The following TENT4B variants were observed in gnomAD, a reference collection of about 807,000 sequenced individuals.
TENT4B encodes the protein terminal nucleotidyltransferase 4B, also known as PAP associated domain containing 5.
A neutral mutation model predicts 75.0 loss-of-function variants in TENT4B; 10 were observed. The ratio of observed to expected loss-of-function variants is 0.13; its 90% CI spans 0.08 to 0.23. The LOEUF (loss-of-function observed/expected upper bound fraction) is 0.23, where lower values mean the gene tolerates loss of function less well. Ranked by LOEUF, TENT4B falls within the 10% of genes least tolerant of loss-of-function variation. TENT4B has a pLI of 1.00. For synonymous variants in TENT4B, 350 were observed against 357.7 expected (o/e 0.98, Z 0.24); for missense variants, 579 against 893.8 (o/e 0.65, Z 4.49).
intron 1 of TENT4B, among the ~76,000 whole-genome samples, chr16:50,167,053 A>C (rs2038114948): frequency 1.3e-5 from 2 of 152,132 alleles, no homozygotes; most frequent in African/African-American, 4.8e-5. Context: ...CTTCCTGAGT[A>C]GCTAGGACTG....
In TENT4B at chr16:50,231,491, C is replaced by T; in HGVS notation, c.*2163C>T. 1 of 985,718 alleles carries T rather than the reference C, an allele frequency of 1.0e-6. No homozygotes were observed. The highest frequency in any genetic ancestry group is 4.7e-5 in the South Asian group (1 of 21,278). The allele number at this position is 985,718 out of a possible 1,614,324, so 61.1% of individuals were successfully genotyped here. A position where few individuals can be genotyped will look rare whatever the true frequency, so the allele number is the denominator to read the frequency against. On this transcript the variant is annotated 3_prime_UTR_variant, in exon 12 of 12. Transcript: ENST00000561678. ...TTTTGTTTGTTTTTAAAGAATCACC[C>T]TCATTGTTGAAAGTAAATGTACTCT...
chr16:50,199,208 T>C (rs2150719997), intron 1 of TENT4B, among the ~76,000 whole-genome samples: 1 of 152,298 alleles, frequency 6.6e-6, no homozygotes, highest in Admixed American at 6.5e-5. Flanking sequence ...CCACGTGGGG[T>C]GCTGGGGCCA....
chr16:50,198,080 C>T (rs2030392249), intron 1 of TENT4B, among the ~76,000 whole-genome samples: 1 of 137,728 alleles, frequency 7.3e-6, no homozygotes, highest in Non-Finnish European at 1.6e-5. Context: ...AATAAACACA[C>T]AAAAGTCAGT....
At position 50,166,873 on chromosome 16, in the gene TENT4B, G is replaced by A. The variant is rs144130170; in HGVS notation, c.638+12614G>A. Among the ~76,000 whole-genome samples, 1,417 of 146,596 alleles carry A rather than the reference G, an allele frequency of 9.7e-3. 16 individuals are homozygous for A. The highest frequency in any genetic ancestry group is 0.023 in the African/African-American group (913 of 39,694). Reference sequence around the variant, plus strand: ...TCAAACTCCTGAGCTGAAGCAATCCGCCCATCTCAGCTTCCCAAAGTGCTG... The same window carrying A: ...TCAAACTCCTGAGCTGAAGCAATCCACCCATCTCAGCTTCCCAAAGTGCTG... On this transcript the variant is annotated intron_variant, in intron 1 of 11. Coordinates refer to ENST00000561678, the MANE Select transcript of TENT4B (RefSeq NM_001365324.3).
chr16:50,198,849 A>T (rs1567499462), intron 1 of TENT4B, among the ~76,000 whole-genome samples: 1 of 152,248 alleles, frequency 6.6e-6, no homozygotes, highest in Non-Finnish European at 1.5e-5. Context: ...ATAGATCTGA[A>T]AGAACACTTA....
chr16:50,183,442 G>GT (rs2150699191), intron 1 of TENT4B, among the ~76,000 whole-genome samples: 1 of 151,414 alleles, frequency 6.6e-6, no homozygotes, highest in African/African-American at 2.4e-5. Flanking sequence ...GACTGTGTTG[G>GT]TTGTGTTGTC....
chr16:50,197,990 G>A lies in TENT4B; in HGVS notation c.639-13333G>A, dbSNP rs139939948. Among the ~76,000 whole-genome samples the A allele has an allele frequency of 6.6e-5, 10 of 152,188 alleles. No homozygotes were observed. In the East Asian group the frequency reaches 1.9e-3, roughly 29 times the overall value. ...AAATCCGTAACAAGACAGGATGCCTGCCCTCACCATGTTATTTGATCTTAT... is the reference window on the plus strand; with the variant it reads ...AAATCCGTAACAAGACAGGATGCCTACCCTCACCATGTTATTTGATCTTAT... On this transcript the variant is annotated intron_variant, in intron 1 of 11. Transcript: ENST00000561678.
At position 50,186,395 on chromosome 16, in the gene TENT4B, T is replaced by C. The variant is rs112175764; in HGVS notation, c.639-24928T>C. Among the ~76,000 whole-genome samples the C allele has an allele frequency of 5.1e-3, 781 of 152,318 alleles. 6 individuals are homozygous for C. The highest frequency in any genetic ancestry group is 0.017 in the African/African-American group (723 of 41,552). On this transcript the variant is annotated intron_variant, in intron 1 of 11. Coordinates refer to ENST00000561678, the MANE Select transcript of TENT4B (RefSeq NM_001365324.3). Reference sequence around the variant, plus strand: ...TCTAGCAGGCTGATTCCAAGGTTTGTCCATGTGGTAGCTTGTATCACTTTA... The same window carrying C: ...TCTAGCAGGCTGATTCCAAGGTTTGCCCATGTGGTAGCTTGTATCACTTTA...
At chr16:50,190,421 A>T (rs1210728017) in intron 1 of TENT4B, among the ~76,000 whole-genome samples, 1 of 152,024 alleles carries the variant, frequency 6.6e-6, no homozygotes, top group Non-Finnish European at 1.5e-5. Context: ...CTAGTTTCAG[A>T]ACGTTTTTGC....
At position 50,231,971 on chromosome 16, in the gene TENT4B, A is replaced by G; in HGVS notation, c.*2643A>G. On this transcript the variant is annotated 3_prime_UTR_variant, in exon 12 of 12. Transcript: ENST00000561678. ...TATTAGAGTCCATTCATATCCATGAATCATAACCTTCCTTTGCTAATACTT... is the reference window on the plus strand; with the variant it reads ...TATTAGAGTCCATTCATATCCATGAGTCATAACCTTCCTTTGCTAATACTT... The G allele has an allele frequency of 1.0e-6, 1 of 984,074 alleles. No individual in the cohort carries two copies. The highest frequency in any genetic ancestry group is 1.2e-6 in the Non-Finnish European group (1 of 828,700). 61.0% of individuals were successfully genotyped at this position (984,074 alleles called of 1,614,324 possible).
In TENT4B at chr16:50,224,892, A is replaced by G; in HGVS notation, c.1510A>G (p.Ile504Val). Residue 504 changes from isoleucine (I) to valine (V), a missense_variant and splice_region_variant, in exon 9 of 12, where the codon ATA (isoleucine) becomes GTA (valine). This residue lies in a region of TENT4B where 71 missense variants were observed against 210.6 expected (regional missense o/e 0.34). Transcript: ENST00000561678. Reference protein sequence around the residue: ...KYYPNNETESILGRIIRVTDE... With the variant: ...KYYPNNETESVLGRIIRVTDE... ...CCCTTTCTTTTTAAACACATGCAGC[A>G]TACTAGGTAGAATAATTAGAGTAAC... is the stretch of plus-strand genomic sequence containing the variant. 1 of 1,613,396 alleles carries G rather than the reference A, an allele frequency of 6.2e-7. No homozygotes were observed. The highest frequency in any genetic ancestry group is 8.5e-7 in the Non-Finnish European group (1 of 1,179,404).
chr16:50,215,618 A>G (rs17287004), intron 3 of TENT4B, among the ~76,000 whole-genome samples: 6,061 of 152,214 alleles, frequency 0.04, 150 homozygotes, highest in African/African-American at 0.057. Context: ...CCTTTCAGAG[A>G]TATCTGTGCA....
At chr16:50,208,365 C>G (rs2031099518) in intron 1 of TENT4B, among the ~76,000 whole-genome samples, 1 of 152,200 alleles carries the variant, frequency 6.6e-6, no homozygotes, top group Non-Finnish European at 1.5e-5. Flanking sequence ...AATTGCAGCA[C>G]TGAAAGTGAA....
intron 1 of TENT4B, among the ~76,000 whole-genome samples, chr16:50,170,087 T>C (rs2038176766): frequency 6.6e-6 from 1 of 152,112 alleles, no homozygotes; most frequent in Admixed American, 6.6e-5. Flanking sequence ...AGTCTCACAC[T>C]GTCTCCCAGG....
At position 50,225,221 on chromosome 16, in the gene TENT4B, C is replaced by T; in HGVS notation, c.1736C>T (p.Ser579Phe). Residue 579 changes from serine to phenylalanine, a missense_variant, in exon 10 of 12, where the codon TCT (serine) becomes TTT (phenylalanine). Physicochemically the swap from Ser to Phe is radical, Grantham distance 155. Transcript: ENST00000561678. ...SKTSESLSKH[S>F]SNSSSGPVSS... is the part of the protein sequence containing the mutation. ...ACCTCGGAATCTCTTAGTAAACACT[C>T]TTCAAACTCTTCATCAGGTCCAGTG... 1 of 1,614,022 alleles carries T rather than the reference C, an allele frequency of 6.2e-7. No homozygotes were observed. The highest frequency in any genetic ancestry group is 8.5e-7 in the Non-Finnish European group (1 of 1,179,888).
At chr16:50,173,076 T>G in intron 1 of TENT4B, among the ~76,000 whole-genome samples, 1 of 152,020 alleles carries the variant, frequency 6.6e-6, no homozygotes, top group Non-Finnish European at 1.5e-5. Flanking sequence ...CCAAGTAGCT[T>G]GGACTACAGG....
intron 5 of TENT4B, among the ~76,000 whole-genome samples, 152 bp from the exon 6 acceptor site, chr16:50,222,153 CT>C (rs919014878): frequency 6.6e-5 from 10 of 151,936 alleles, no homozygotes; most frequent in African/African-American, 2.4e-4. Flanking sequence ...CTATAGTTTA[CT>C]TTTTTTTAAT....
intron 1 of TENT4B, among the ~76,000 whole-genome samples, chr16:50,191,448 T>A (rs895733201): frequency 3.9e-5 from 6 of 152,176 alleles, no homozygotes; most frequent in African/African-American, 1.4e-4. Context: ...TATTTTTAAT[T>A]TTTTTTGTAG....
At chr16:50,187,500 T>G (rs983132463) in intron 1 of TENT4B, among the ~76,000 whole-genome samples, 3 of 152,154 alleles carry the variant, frequency 2.0e-5, no homozygotes, top group East Asian at 1.9e-4. Flanking sequence ...GGAGAATTGC[T>G]TGAACACAGG....
Sources: allele counts gnomAD v4.1 joint callset (sites outside exome capture counted in the v4.1 genomes callset), GRCh38; gene constraint gnomAD v4.1.1; regional missense constraint gnomAD v4.1.1; transcripts MANE v1.5; gene names NCBI Gene and HGNC (gene_info 2026-07-23, HGNC 2026-07-21).